Variants in LYPLA1 observed in about 807,000 individuals in gnomAD.
LYPLA1 encodes lysophospholipase 1.
In LYPLA1, 17 loss-of-function variants were observed where a neutral mutation model predicts 34.0. The observed-to-expected ratio is 0.50, with a 90% CI of 0.34 to 0.75. The LOEUF is 0.75. LYPLA1 is among the 30% of genes least tolerant of loss of function. The pLI is 0.01. For synonymous variants in LYPLA1, 98 were observed against 100.8 expected, an observed-to-expected ratio of 0.97 and a Z score of 0.17; for missense variants, 203 against 288.8, an observed-to-expected ratio of 0.70 and a Z score of 2.15.
intron 2 of LYPLA1, among the ~76,000 whole-genome samples, chr8:54,085,158 TG>T (rs1224595192): frequency 6.6e-5 from 10 of 152,244 alleles, no homozygotes; most frequent in African/African-American, 2.4e-4. Context: ...GACTGGTTTT[TG>T]TATTTTTTGG....
intron 2 of LYPLA1, among the ~76,000 whole-genome samples, chr8:54,072,068 C>A (rs1461919616): frequency 6.6e-6 from 1 of 152,124 alleles, no homozygotes; most frequent in East Asian, 1.9e-4. Flanking sequence ...ATAGACAGCA[C>A]AGAAGTAAGG....
intron 2 of LYPLA1, among the ~76,000 whole-genome samples, chr8:54,095,109 A>G (rs1350767744): frequency 6.6e-6 from 1 of 151,832 alleles, no homozygotes; most frequent in African/African-American, 2.4e-5. Context: ...GCTCACTGCA[A>G]CCTCCAGCTC....
chr8:54,100,776 A>G lies in LYPLA1; in HGVS notation c.101+132T>C, dbSNP rs546594195. On this transcript the variant is annotated intron_variant, in intron 2 of 8. Coordinates refer to ENST00000316963, the MANE Select transcript of LYPLA1 (RefSeq NM_006330.4). ...GGTTTTCAAAACATAAAATCACCGC[A>G]CTGTAAGATACATTAACTGGCAATC... The G allele has an allele frequency of 7.5e-5, 54 of 716,046 alleles. No homozygotes were observed. In the South Asian group the frequency reaches 8.3e-4, roughly 11 times the overall value. The allele number at this position is 716,046 out of a possible 1,614,324, so 44.4% of individuals were successfully genotyped here.
intron 2 of LYPLA1, among the ~76,000 whole-genome samples, chr8:54,093,315 T>C (rs542446554): frequency 6.6e-6 from 1 of 152,306 alleles, no homozygotes; most frequent in East Asian, 1.9e-4. Flanking sequence ...CAGATTTCCT[T>C]AGTTAAGAGT....
chr8:54,060,629 T>C (rs1476013197), intron 5 of LYPLA1, among the ~76,000 whole-genome samples: 1 of 152,036 alleles, frequency 6.6e-6, no homozygotes, highest in African/African-American at 2.4e-5. Flanking sequence ...TAAACAGTTA[T>C]GTGCTCAATC....
At chr8:54,061,436 G>T (rs1449089251) in intron 5 of LYPLA1, among the ~76,000 whole-genome samples, 1 of 152,146 alleles carries the variant, frequency 6.6e-6, no homozygotes, top group Non-Finnish European at 1.5e-5. Context: ...GTAAATCAAA[G>T]AAAAATTATT....
Position 54,053,328 on chromosome 8 carries a change from A to G in LYPLA1, c.361-572T>C, listed in dbSNP as rs1805980101. The G allele has an allele frequency of 2.4e-5, 6 of 254,676 alleles. No individual in the cohort carries two copies. The South Asian group carries it at 2.8e-4, about 12-fold the overall frequency. 15.8% of individuals were successfully genotyped at this position (254,676 alleles called of 1,614,324 possible). A position where few individuals can be genotyped will look rare whatever the true frequency, so the allele number is the denominator to read the frequency against. ...AGGCTGGTCTCAAACTCCCGACCTC[A>G]GGTGATCCACGCGCCTCAGCCTCCC... is the stretch of plus-strand genomic sequence containing the variant. On this transcript the variant is annotated intron_variant, in intron 6 of 8. Coordinates refer to ENST00000316963, the MANE Select transcript of LYPLA1 (RefSeq NM_006330.4).
At chr8:54,060,703 T>A (rs1309422670) in intron 5 of LYPLA1, among the ~76,000 whole-genome samples, 1 of 148,618 alleles carries the variant, frequency 6.7e-6, no homozygotes, top group Non-Finnish European at 1.5e-5. Context: ...TTTTTTTTTT[T>A]TTTTTTTGAG....
Position 54,063,319 on chromosome 8 carries a change from C to G in LYPLA1, c.215+9G>C. Reference sequence around the variant, plus strand: ...AATGTTCTTATTCAATAAGTAAATTCTTACTTACCATGAAGGCATAGCCAC... The same window carrying G: ...AATGTTCTTATTCAATAAGTAAATTGTTACTTACCATGAAGGCATAGCCAC... On this transcript the variant is annotated intron_variant, in intron 4 of 8. Coordinates refer to ENST00000316963, the MANE Select transcript of LYPLA1 (RefSeq NM_006330.4). 6.8e-7 allele frequency: 1 copy of G among 1,460,852 alleles called. No individual in the cohort carries two copies. The highest frequency in any genetic ancestry group is 9.2e-7 in the Non-Finnish European group (1 of 1,081,474). The allele number at this position is 1,460,852 out of a possible 1,614,324, so 90.5% of individuals were successfully genotyped here.
chr8:54,058,703 G>A (rs2129329550), intron 5 of LYPLA1, among the ~76,000 whole-genome samples: 1 of 151,630 alleles, frequency 6.6e-6, no homozygotes, highest in East Asian at 1.9e-4. Context: ...AGACTCTCAA[G>A]CAGCTGAGGG....
At chr8:54,060,816 CTGAG>C (rs1806566725) in intron 5 of LYPLA1, among the ~76,000 whole-genome samples, 2 of 151,478 alleles carry the variant, frequency 1.3e-5, no homozygotes, top group South Asian at 2.1e-4. Flanking sequence ...CCTCAGCCTC[CTGAG>C]TAACTGGGAT....
intron 2 of LYPLA1, among the ~76,000 whole-genome samples, chr8:54,078,944 T>TA (rs1170144405): frequency 2.0e-5 from 3 of 152,072 alleles, no homozygotes; most frequent in Non-Finnish European, 2.9e-5. Flanking sequence ...TTGAATTTGA[T>TA]ACACTATTTC....
At chr8:54,054,141 C>T (rs868494314) in intron 6 of LYPLA1, among the ~76,000 whole-genome samples, 1 of 152,028 alleles carries the variant, frequency 6.6e-6, no homozygotes, top group South Asian at 2.1e-4. Flanking sequence ...CACCACTATG[C>T]CCGGCTAATT....
intron 2 of LYPLA1, among the ~76,000 whole-genome samples, chr8:54,070,127 T>C (rs1287676153): frequency 6.6e-6 from 1 of 152,210 alleles, no homozygotes. Context: ...AGCAATTCTA[T>C]TCCTAGGTCT....
chr8:54,048,108 T>C lies in LYPLA1; in HGVS notation c.650A>G (p.Asp217Gly). 1 of 1,607,322 alleles carries C rather than the reference T, an allele frequency of 6.2e-7. No homozygotes were observed. The highest frequency in any genetic ancestry group is 1.1e-5 in the South Asian group (1 of 90,804). Reference sequence around the variant, plus strand: ...GAGTTTATCAATGAATTGCTTGACATCCATCATTTCCTGTTTGGAATAAAG... The same window carrying C: ...GAGTTTATCAATGAATTGCTTGACACCCATCATTTCCTGTTTGGAATAAAG... ...MHSSCQQEMM[D>G]VKQFIDKLLP... The change falls in exon 9 of 9, where the codon GAT becomes GGT. Residue 217 changes from aspartate to glycine, a missense_variant. By Grantham distance (94) the Asp-to-Gly change is moderately conservative. Transcript: ENST00000316963.
At chr8:54,067,498 C>G (rs1287554064) in intron 2 of LYPLA1, among the ~76,000 whole-genome samples, 1 of 152,078 alleles carries the variant, frequency 6.6e-6, no homozygotes, top group African/African-American at 2.4e-5. Context: ...GATGCATTTC[C>G]TTCTGATTTT....
chr8:54,068,244 T>C lies in LYPLA1; in HGVS notation c.102-2431A>G, dbSNP rs74912838. On this transcript the variant is annotated intron_variant, in intron 2 of 8. Coordinates refer to ENST00000316963, the MANE Select transcript of LYPLA1 (RefSeq NM_006330.4). Reference sequence around the variant, plus strand: ...GAAAATCTATATAAATGGAAGGATATCCCACTTTCATGGACTGGGAGATAT... The same window carrying C: ...GAAAATCTATATAAATGGAAGGATACCCCACTTTCATGGACTGGGAGATAT... Among the ~76,000 whole-genome samples the C allele has an allele frequency of 5.9e-5, 9 of 152,268 alleles. No homozygotes were observed. In the East Asian group the frequency reaches 1.7e-3, roughly 29 times the overall value.
chr8:54,081,573 G>A (rs977069811), intron 2 of LYPLA1, among the ~76,000 whole-genome samples: 2 of 151,438 alleles, frequency 1.3e-5, no homozygotes, highest in Admixed American at 6.6e-5. Flanking sequence ...TCAGCCTCCC[G>A]AGTAGCTGGG....
chr8:54,090,840 T>G (rs537893266), intron 2 of LYPLA1, among the ~76,000 whole-genome samples: 19 of 152,152 alleles, frequency 1.2e-4, no homozygotes, highest in Non-Finnish European at 2.2e-4. Context: ...CCCCATGCTG[T>G]TCTTATGACA....
Sources: gnomAD v4.1 joint callset for allele counts (sites outside exome capture counted in the v4.1 genomes callset) on GRCh38, gnomAD v4.1.1 for gene constraint, MANE v1.5 for transcripts, NCBI Gene and HGNC (gene_info 2026-07-23, HGNC 2026-07-21) for gene names.